ZNF726: variants seen among roughly 807,000 people sequenced by gnomAD.
The protein encoded by ZNF726 is zinc finger protein 726.
Under a neutral mutation model 11.6 loss-of-function variants are expected in ZNF726, and 15 were observed. The observed-to-expected ratio is 1.29, with a 90% CI of 0.86 to 1.99. The LOEUF is 1.99. Ranked by LOEUF, ZNF726 falls within the 30% of genes most tolerant of loss-of-function variation. The pLI, the probability that ZNF726 is intolerant of heterozygous loss-of-function variation, is 0.00. For synonymous variants in ZNF726, 295 were observed against 243.6 expected, an observed-to-expected ratio of 1.21 and a Z score of -1.96; for missense variants, 890 against 725.6, an observed-to-expected ratio of 1.23 and a Z score of -2.60.
chr19:23,941,860 C>T (rs1968343986), intron 3 of ZNF726, among the ~76,000 whole-genome samples: 1 of 152,064 alleles, frequency 6.6e-6, no homozygotes, highest in African/African-American at 2.4e-5. Context: ...GATTTTCTCT[C>T]TTCTTTTCTT....
At chr19:23,941,096 T>C (rs1968331187) in intron 3 of ZNF726, among the ~76,000 whole-genome samples, 1 of 152,212 alleles carries the variant, frequency 6.6e-6, no homozygotes, top group Non-Finnish European at 1.5e-5. Flanking sequence ...CCCCATTCTC[T>C]ATTATGTTGG....
At position 23,934,405 on chromosome 19, in the gene ZNF726, C is replaced by A; in HGVS notation, c.*438C>A. ...AACCCTACAAATGTGAAAAATGTGTCAAAGCCTTTAAGCAGTCTTCAATCC... is the reference window on the plus strand; with the variant it reads ...AACCCTACAAATGTGAAAAATGTGTAAAAGCCTTTAAGCAGTCTTCAATCC... On this transcript the variant is annotated 3_prime_UTR_variant, in exon 4 of 4. Transcript: ENST00000594466. The A allele has an allele frequency of 2.0e-6, 1 of 489,208 alleles. No individual in the cohort carries two copies. Among genetic ancestry groups the A allele is most frequent in the East Asian group, 6.1e-5 (1 of 16,284 alleles). The allele number at this position is 489,208 out of a possible 1,614,324, so 30.3% of individuals were successfully genotyped here.
rs118018781 is a variant in ZNF726, at chr19:23,934,010, A to G, written c.*43A>G. The G allele has an allele frequency of 1.7e-5, 26 of 1,534,718 alleles. No homozygotes were observed. The East Asian group carries it at 2.2e-4, about 13-fold the overall frequency. ...GTAAAGAATGTGGCAAAGCATTTAT[A>G]TGGTCCTCAACGCTAAACATAAGAG... is the stretch of plus-strand genomic sequence containing the variant. On this transcript the variant is annotated 3_prime_UTR_variant, in exon 4 of 4. Transcript: ENST00000594466.
In ZNF726 at chr19:23,932,401, T is replaced by A; in HGVS notation, c.285T>A (p.Phe95Leu). 6.5e-7 allele frequency: 1 copy of A among 1,529,254 alleles called. No homozygotes were observed. The highest frequency in any genetic ancestry group is 8.7e-7 in the Non-Finnish European group (1 of 1,144,668). The allele number at this position is 1,529,254 out of a possible 1,614,324, so 94.7% of individuals were successfully genotyped here. Residue 95 changes from phenylalanine (F) to leucine (L), a missense_variant, in exon 4 of 4, where the codon TTT becomes TTA. By Grantham distance (22) the Phe-to-Leu change is conservative. Transcript: ENST00000594466. ...CAGAGCAGGGCGTGGAAGATTCTTTTCAAAAAGTAATACTAAGAAGATTTG... is the reference window on the plus strand; with the variant it reads ...CAGAGCAGGGCGTGGAAGATTCTTTACAAAAAGTAATACTAAGAAGATTTG... ...IWPEQGVEDS[F>L]QKVILRRFEK...
chr19:23,939,810 G>A (rs1181227590), intron 3 of ZNF726, among the ~76,000 whole-genome samples: 1 of 137,290 alleles, frequency 7.3e-6, no homozygotes, highest in Non-Finnish European at 1.6e-5. Context: ...TTAGCCATTT[G>A]TATATCTTTT....
At chr19:23,918,906 A>C (rs1327938436) in intron 1 of ZNF726, among the ~76,000 whole-genome samples, 1 of 152,222 alleles carries the variant, frequency 6.6e-6, no homozygotes, top group Non-Finnish European at 1.5e-5. Context: ...ATAGAGATTC[A>C]GTAACTCAGA....
intron 3 of ZNF726, among the ~76,000 whole-genome samples, chr19:23,929,731 A>G (rs1182615288): frequency 6.6e-6 from 1 of 152,160 alleles, no homozygotes; most frequent in Non-Finnish European, 1.5e-5. Context: ...TTATACCTCT[A>G]TATTTTTCAG....
intron 3 of ZNF726, among the ~76,000 whole-genome samples, chr19:23,921,704 CTT>C (rs1249808043): frequency 6.6e-6 from 1 of 152,022 alleles, no homozygotes; most frequent in East Asian, 1.9e-4. Flanking sequence ...GGAATGATAA[CTT>C]ATAATTGTAT....
chr19:23,941,160 C>G (rs1338683827), intron 3 of ZNF726, among the ~76,000 whole-genome samples: 1 of 152,090 alleles, frequency 6.6e-6, no homozygotes, highest in Non-Finnish European at 1.5e-5. Flanking sequence ...CCCCTGTATG[C>G]CAACTTTGCT....
In ZNF726 at chr19:23,943,535, C is replaced by T. The variant is rs766123231; in HGVS notation, c.268C>T (p.Gln90Ter). Residue 90 changes from glutamine (Q) to a stop codon, truncating the protein, a stop_gained, in exon 4 of 5, where the codon CAA (glutamine) becomes TAA (stop). Transcript: ENST00000334589. LOFTEE classifies it high-confidence loss of function. ...CCCTGATCTGATCTCCTGCCTTGAG[C>T]AAATAAAAGAGCCCTGGAATGTGAA... The T allele has an allele frequency of 1.0e-5, 7 of 677,080 alleles. No homozygotes were observed. The highest frequency in any genetic ancestry group is 1.9e-5 in the Non-Finnish European group (7 of 367,336). 41.9% of individuals were successfully genotyped at this position (677,080 alleles called of 1,614,324 possible). A position where few individuals can be genotyped will look rare whatever the true frequency, so the allele number is the denominator to read the frequency against.
intron 3 of ZNF726, among the ~76,000 whole-genome samples, chr19:23,929,525 C>A (rs1309755573): frequency 6.6e-6 from 1 of 152,114 alleles, no homozygotes; most frequent in Non-Finnish European, 1.5e-5. Context: ...ATCATGAGAC[C>A]AGCACAGAAA....
At chr19:23,942,330 A>T (rs12460487) in intron 3 of ZNF726, among the ~76,000 whole-genome samples, 2,020 of 152,176 alleles carry the variant, frequency 0.013, 125 homozygotes, top group Admixed American at 0.1. Flanking sequence ...AGAGTGCTTG[A>T]TGTAATTTCA....
chr19:23,934,457 G>A lies in ZNF726; in HGVS notation c.*490G>A. On this transcript the variant is annotated 3_prime_UTR_variant, in exon 4 of 4. Transcript: ENST00000594466. ...GAGTAACCATAAGATAATTCAAACT[G>A]GAAAGAAACCCTGCAAGTCTGAAGA... 1 of 400,142 alleles carries A rather than the reference G, an allele frequency of 2.5e-6. No homozygotes were observed. 24.8% of individuals were successfully genotyped at this position (400,142 alleles called of 1,614,324 possible). A position where few individuals can be genotyped will look rare whatever the true frequency, so the allele number is the denominator to read the frequency against.
downstream of ZNF726, among the ~76,000 whole-genome samples, chr19:23,935,027 T>A (rs1968204261): frequency 6.6e-6 from 1 of 152,146 alleles, no homozygotes; most frequent in African/African-American, 2.4e-5. Context: ...GAGGGAGAGA[T>A]CTGGAGGCAT....
chr19:23,925,786 G>A (rs528636265), intron 3 of ZNF726, among the ~76,000 whole-genome samples: 2 of 142,154 alleles, frequency 1.4e-5, no homozygotes, highest in African/African-American at 5.2e-5. Context: ...GTGAGATCTC[G>A]GCTCCCTGCA....
rs747545697 is a variant in ZNF726, at chr19:23,934,350, C to T, written c.*383C>T. 3.6e-6 allele frequency: 2 copies of T among 548,448 alleles called. No homozygotes were observed. The highest frequency in any genetic ancestry group is 3.6e-6 in the Non-Finnish European group (1 of 274,834). 34.0% of individuals were successfully genotyped at this position (548,448 alleles called of 1,614,324 possible). ...GCCTTTAAATGTTCCTCAACTGTTACTGAACATAAAGTAATTCATACTGAA... is the reference window on the plus strand; with the variant it reads ...GCCTTTAAATGTTCCTCAACTGTTATTGAACATAAAGTAATTCATACTGAA... On this transcript the variant is annotated 3_prime_UTR_variant, in exon 4 of 4. Coordinates refer to ENST00000594466, the MANE Select transcript of ZNF726 (RefSeq NM_001244038.2).
chr19:23,933,985 G>T lies in ZNF726; in HGVS notation c.*18G>T. 1 of 1,563,992 alleles carries T rather than the reference G, an allele frequency of 6.4e-7. No individual in the cohort carries two copies. The highest frequency in any genetic ancestry group is 8.7e-7 in the Non-Finnish European group (1 of 1,152,570). On this transcript the variant is annotated 3_prime_UTR_variant, in exon 4 of 4. Transcript: ENST00000594466. ...ATACTTGAGAGAAACCTTAAAAAGG[G>T]TAAAGAATGTGGCAAAGCATTTATA...
downstream of ZNF726, among the ~76,000 whole-genome samples, chr19:23,937,999 A>G (rs188648086): frequency 2.6e-5 from 4 of 152,342 alleles, no homozygotes; most frequent in Admixed American, 6.5e-5. Context: ...AAATACTATC[A>G]TGAATTCATT....
chr19:23,936,790 A>T (rs1568382460), downstream of ZNF726, among the ~76,000 whole-genome samples: 1 of 151,862 alleles, frequency 6.6e-6, no homozygotes, highest in Non-Finnish European at 1.5e-5. Context: ...TCACAGATCA[A>T]CAGGATCCCA....
Sources: gnomAD v4.1 joint callset for allele counts (sites outside exome capture counted in the v4.1 genomes callset) on GRCh38, gnomAD v4.1.1 for gene constraint, MANE v1.5 for transcripts, NCBI Gene and HGNC (gene_info 2026-07-23, HGNC 2026-07-21) for gene names.